Variants in ADCY8 observed in about 807,000 individuals in gnomAD.
ADCY8 encodes adenylate cyclase type 8.
In ADCY8, 51 loss-of-function variants were observed where a neutral mutation model predicts 119.7. The ratio of observed to expected loss-of-function variants is 0.43; its 90% CI spans 0.34 to 0.54. The LOEUF (loss-of-function observed/expected upper bound fraction) is 0.54. Among genes scored for constraint, ADCY8 ranks in the 20% least tolerant of loss-of-function variants. The pLI, the probability that ADCY8 is intolerant of heterozygous loss-of-function variation, is 0.03. For synonymous variants in ADCY8, 665 were observed against 651.0 expected (o/e 1.02, Z -0.33); for missense variants, 1,383 against 1,598.8 (o/e 0.87, Z 2.30).
At chr8:130,782,860 C>T (rs549423317) in intron 17 of ADCY8, among the ~76,000 whole-genome samples, 14 of 152,266 alleles carry the variant, frequency 9.2e-5, no homozygotes, top group African/African-American at 3.4e-4. Flanking sequence ...AGTAAAATGG[C>T]ATATCAGCCA....
intron 5 of ADCY8, among the ~76,000 whole-genome samples, chr8:130,931,124 G>A (rs1212536234): frequency 6.6e-6 from 1 of 152,142 alleles, no homozygotes; most frequent in Non-Finnish European, 1.5e-5. Context: ...AGACAAGTCT[G>A]GTGGTGATGA....
intron 8 of ADCY8, among the ~76,000 whole-genome samples, chr8:130,872,307 T>A (rs1326691288): frequency 3.3e-5 from 5 of 152,336 alleles, no homozygotes; most frequent in African/African-American, 1.2e-4. Context: ...TATAATATCC[T>A]CACTTTGTAG....
chr8:130,874,947 A>G (rs1296026480), intron 8 of ADCY8, among the ~76,000 whole-genome samples: 1 of 152,108 alleles, frequency 6.6e-6, no homozygotes, highest in Non-Finnish European at 1.5e-5. Context: ...GTAGATGATA[A>G]TGATGTCTAC....
At chr8:130,890,214 G>T (rs546915523) in intron 7 of ADCY8, among the ~76,000 whole-genome samples, 1 of 141,592 alleles carries the variant, frequency 7.1e-6, no homozygotes, top group Non-Finnish European at 1.5e-5. Context: ...GGTCAGGGGA[G>T]TGGGGAGGGA....
chr8:130,971,235 A>T (rs575967801), intron 2 of ADCY8, among the ~76,000 whole-genome samples: 1 of 152,328 alleles, frequency 6.6e-6, no homozygotes, highest in South Asian at 2.1e-4. Context: ...AGAGTTAGAC[A>T]TCACCTGTAT....
At chr8:130,970,068 C>T (rs889924522) in intron 2 of ADCY8, among the ~76,000 whole-genome samples, 3 of 152,330 alleles carry the variant, frequency 2.0e-5, no homozygotes, top group Non-Finnish European at 4.4e-5. Context: ...CTCAGCTATG[C>T]ATGTGCTTTC....
chr8:130,786,251 G>A (rs16904357), intron 15 of ADCY8, among the ~76,000 whole-genome samples: 6,076 of 152,268 alleles, frequency 0.04, 416 homozygotes, highest in African/African-American at 0.14. Flanking sequence ...TAGACAGACT[G>A]TAGAGAAGAA....
In ADCY8 at chr8:131,002,437, A is replaced by G. The variant is rs183483486; in HGVS notation, c.961-11895T>C. 2.3e-3 allele frequency among the ~76,000 whole-genome samples: 348 copies of G among 152,318 alleles called. 2 individuals are homozygous for G. The highest frequency in any genetic ancestry group is 3.8e-3 in the Non-Finnish European group (260 of 68,024). On this transcript the variant is annotated intron_variant, in intron 1 of 17. Transcript: ENST00000286355. The stretch of plus-strand genomic sequence containing the variant: ...AAGGGATAAAAGAGGAAGAAAATCT[A>G]TAGGAGTAGCTGCAGAGATAAGAGG...
intron 1 of ADCY8, among the ~76,000 whole-genome samples, chr8:131,031,044 G>A (rs112670551): frequency 0.013 from 2,011 of 152,222 alleles, 27 homozygotes; most frequent in Middle Eastern, 0.027. Context: ...GAAAAGCTGT[G>A]CAACAATCCA....
At chr8:130,942,650 T>C (rs1182015130) in intron 4 of ADCY8, among the ~76,000 whole-genome samples, 7 of 152,206 alleles carry the variant, frequency 4.6e-5, no homozygotes, top group Non-Finnish European at 1.0e-4. Context: ...TCATTACAGC[T>C]CTGTGAAGTT....
rs202023923 is a variant in ADCY8 at position 130,816,425 on chromosome 8, T to TC, written c.2755-2199_2755-2198insG. On this transcript the variant is annotated intron_variant, in intron 13 of 17. Coordinates refer to ENST00000286355, the MANE Select transcript of ADCY8 (RefSeq NM_001115.3). ...CACATATTTCTTAATTAATTTTTTT[T>TC]TCTTTTTTTTTTTTTTTTGAGACAG... Among the ~76,000 whole-genome samples, 645 of 112,386 alleles carry TC rather than the reference T, an allele frequency of 5.7e-3. 6 individuals are homozygous for TC. The highest frequency in any genetic ancestry group is 6.9e-3 in the African/African-American group (203 of 29,318). 73.7% of individuals were successfully genotyped at this position (112,386 alleles called of 152,430 possible).
At chr8:130,918,410 C>A (rs1466987493) in intron 5 of ADCY8, among the ~76,000 whole-genome samples, 1 of 152,110 alleles carries the variant, frequency 6.6e-6, no homozygotes, top group African/African-American at 2.4e-5. Flanking sequence ...TCTCCAGATA[C>A]TGTTATATTT....
intron 1 of ADCY8, among the ~76,000 whole-genome samples, chr8:131,024,204 G>C (rs117092110): frequency 3.3e-5 from 5 of 152,150 alleles, no homozygotes; most frequent in Non-Finnish European, 7.4e-5. Flanking sequence ...GCAGTTTCAC[G>C]CCAATGACAG....
chr8:130,858,595 C>T (rs1817824391), intron 9 of ADCY8, among the ~76,000 whole-genome samples: 1 of 152,084 alleles, frequency 6.6e-6, no homozygotes, highest in African/African-American at 2.4e-5. Context: ...TCCATATTTG[C>T]CCCCTGTACA....
At chr8:130,895,253 C>G (rs943024220) in intron 7 of ADCY8, among the ~76,000 whole-genome samples, 1 of 152,086 alleles carries the variant, frequency 6.6e-6, no homozygotes, top group Non-Finnish European at 1.5e-5. Context: ...ACTCCCCAAA[C>G]AATGACTCAA....
At chr8:131,018,718 T>A (rs1479423664) in intron 1 of ADCY8, among the ~76,000 whole-genome samples, 1 of 152,234 alleles carries the variant, frequency 6.6e-6, no homozygotes, top group Non-Finnish European at 1.5e-5. Context: ...TTATGGAAGT[T>A]TAGTGATTTG....
chr8:130,902,533 C>T (rs1819636368), intron 7 of ADCY8, among the ~76,000 whole-genome samples: 1 of 152,184 alleles, frequency 6.6e-6, no homozygotes, highest in African/African-American at 2.4e-5. Flanking sequence ...CTGGCCCATG[C>T]ATTTTCTCAT....
intron 12 of ADCY8, among the ~76,000 whole-genome samples, chr8:130,832,175 G>A (rs943441831): frequency 6.9e-4 from 105 of 152,224 alleles, no homozygotes; most frequent in African/African-American, 2.3e-3. Flanking sequence ...GAGGAAGATG[G>A]GTCTCTAGTG....
At chr8:130,782,076 G>A (rs1815098475) in intron 17 of ADCY8, among the ~76,000 whole-genome samples, 1 of 152,112 alleles carries the variant, frequency 6.6e-6, no homozygotes, top group Non-Finnish European at 1.5e-5. Flanking sequence ...GAGAAAGATG[G>A]AAGAGAGTAT....
Sources: allele counts gnomAD v4.1 joint callset (sites outside exome capture counted in the v4.1 genomes callset), GRCh38; gene constraint gnomAD v4.1.1; transcripts MANE v1.5; gene names NCBI Gene and HGNC (gene_info 2026-07-23, HGNC 2026-07-21).